Variants in SPMIP2 observed in about 807,000 individuals in gnomAD.
SPMIP2 encodes the protein sperm microtubule inner protein 2, also known as protein SPMIP2.
chr4:158,957,674 C>G, the SPMIP2 span, among the ~76,000 whole-genome samples: 15 of 152,188 alleles, frequency 9.9e-5, no homozygotes, highest in African/African-American at 3.6e-4. Flanking sequence ...GATCACCCAC[C>G]TTGGCCTCCC....
the SPMIP2 span, among the ~76,000 whole-genome samples, chr4:158,929,167 A>G: frequency 6.6e-6 from 1 of 152,216 alleles, no homozygotes; most frequent in African/African-American, 2.4e-5. Flanking sequence ...GGTGCATGTC[A>G]TCATGCGTGG....
the SPMIP2 span, chr4:158,895,897 T>C: frequency 2.7e-6 from 4 of 1,467,818 alleles, no homozygotes; most frequent in Non-Finnish European, 3.8e-6. Flanking sequence ...CACTTGTCCC[T>C]TTGATAGGTA....
the SPMIP2 span, among the ~76,000 whole-genome samples, chr4:158,991,602 C>G: frequency 6.6e-6 from 1 of 152,188 alleles, no homozygotes; most frequent in East Asian, 1.9e-4. Context: ...TGAGTATTCA[C>G]TGAGTGGCTA....
chr4:159,048,581 A>G, the SPMIP2 span, among the ~76,000 whole-genome samples: 7 of 152,058 alleles, frequency 4.6e-5, no homozygotes, highest in East Asian at 1.9e-4. Context: ...GACCAGAAGC[A>G]GGGGGAGGGG....
the SPMIP2 span, among the ~76,000 whole-genome samples, chr4:159,066,586 A>ATT: frequency 3.1e-4 from 30 of 95,814 alleles, no homozygotes; most frequent in African/African-American, 5.8e-4. Context: ...ACGTGTGTGT[A>ATT]TTTTATATAT....
At chr4:159,010,363 A>G in the SPMIP2 span, among the ~76,000 whole-genome samples, 1 of 152,188 alleles carries the variant, frequency 6.6e-6, no homozygotes, top group Admixed American at 6.5e-5. Flanking sequence ...AGCACATTCT[A>G]TTTTTGGACA....
At chr4:158,953,847 T>C in the SPMIP2 span, among the ~76,000 whole-genome samples, 1 of 152,222 alleles carries the variant, frequency 6.6e-6, no homozygotes, top group Non-Finnish European at 1.5e-5. Context: ...ATTTTGGACT[T>C]GCATGGGCCC....
At chr4:158,942,776 C>A in the SPMIP2 span, among the ~76,000 whole-genome samples, 1 of 151,944 alleles carries the variant, frequency 6.6e-6, no homozygotes, top group Non-Finnish European at 1.5e-5. Context: ...GACTCTGTCT[C>A]AAAAAACAAA....
the SPMIP2 span, among the ~76,000 whole-genome samples, chr4:159,032,292 C>CATTA: frequency 6.6e-6 from 1 of 152,086 alleles, no homozygotes; most frequent in African/African-American, 2.4e-5. Context: ...AAGCTTGTGG[C>CATTA]ATTAATAAGT....
At chr4:159,025,501 A>G in the SPMIP2 span, among the ~76,000 whole-genome samples, 1 of 152,174 alleles carries the variant, frequency 6.6e-6, no homozygotes, top group Non-Finnish European at 1.5e-5. Context: ...CCAGGAGAAT[A>G]ATTTCCACAT....
the SPMIP2 span, among the ~76,000 whole-genome samples, chr4:159,028,987 C>T: frequency 2.0e-5 from 3 of 152,064 alleles, no homozygotes; most frequent in Non-Finnish European, 2.9e-5. Flanking sequence ...CTCAGCTACT[C>T]GAGAGGCTAA....
the SPMIP2 span, among the ~76,000 whole-genome samples, chr4:158,951,316 G>A: frequency 7.9e-5 from 12 of 152,122 alleles, no homozygotes; most frequent in Non-Finnish European, 1.8e-4. Context: ...CATAGCCCAC[G>A]ACACACCTAG....
At chr4:158,926,479 T>C in the SPMIP2 span, among the ~76,000 whole-genome samples, 1 of 152,202 alleles carries the variant, frequency 6.6e-6, no homozygotes, top group Non-Finnish European at 1.5e-5. Flanking sequence ...TACAAATTTT[T>C]AATTATTGAT....
At chr4:159,073,101 C>A in the SPMIP2 span, among the ~76,000 whole-genome samples, 1 of 152,116 alleles carries the variant, frequency 6.6e-6, no homozygotes, top group African/African-American at 2.4e-5. Context: ...CAATGTCACA[C>A]CTATGGAGGG....
chr4:158,999,164 C>G, the SPMIP2 span, among the ~76,000 whole-genome samples: 1 of 98,426 alleles, frequency 1.0e-5, no homozygotes, highest in African/African-American at 3.9e-5. Context: ...GAGTGAGACC[C>G]TGCCTCAAAA....
At chr4:158,944,832 C>T in the SPMIP2 span, among the ~76,000 whole-genome samples, 1 of 152,210 alleles carries the variant, frequency 6.6e-6, no homozygotes, top group Non-Finnish European at 1.5e-5. Flanking sequence ...TCCACTTTGA[C>T]TCCACTCCTC....
chr4:159,055,877 T>G, the SPMIP2 span, among the ~76,000 whole-genome samples: 1 of 152,084 alleles, frequency 6.6e-6, no homozygotes, highest in Non-Finnish European at 1.5e-5. Context: ...GGAGTGTGCG[T>G]TTTTAAAGCA....
the SPMIP2 span, chr4:159,064,451 A>T: frequency 6.6e-6 from 1 of 152,148 alleles, no homozygotes; most frequent in Non-Finnish European, 1.5e-5. Flanking sequence ...CTAGAAAAGG[A>T]TTACTAAGTA....
chr4:158,918,567 G>C, the SPMIP2 span, among the ~76,000 whole-genome samples: 1 of 152,006 alleles, frequency 6.6e-6, no homozygotes, highest in Non-Finnish European at 1.5e-5. Context: ...AAAAATCCTT[G>C]GCCGTCTTTA....
Sources: gnomAD v4.1 joint callset for allele counts (sites outside exome capture counted in the v4.1 genomes callset) on GRCh38, gnomAD v4.1.1 for gene constraint, MANE v1.5 for transcripts, NCBI Gene and HGNC (gene_info 2026-07-23, HGNC 2026-07-21) for gene names.